IMMP2L: variants seen among roughly 807,000 people sequenced by gnomAD.
IMMP2L encodes inner mitochondrial membrane peptidase subunit 2.
A neutral mutation model predicts 19.3 loss-of-function variants in IMMP2L; 18 were observed. The ratio of observed to expected loss-of-function variants is 0.93; its 90% CI spans 0.64 to 1.38. The LOEUF (loss-of-function observed/expected upper bound fraction) is 1.38, where lower values mean the gene tolerates loss of function less well. IMMP2L is among the 40% of genes most tolerant of loss of function. The probability of loss-of-function intolerance (pLI) is 0.00; values close to 1 mark genes in which losing one functional copy is unlikely to be tolerated. For synonymous variants in IMMP2L, 76 were observed against 73.0 expected (o/e 1.04, Z -0.21); for missense variants, 233 against 218.2 (o/e 1.07, Z -0.43).
chr7:111,330,521 C>T (rs1159498705), intron 3 of IMMP2L, among the ~76,000 whole-genome samples: 5 of 150,942 alleles, frequency 3.3e-5, no homozygotes, highest in Non-Finnish European at 7.4e-5. Flanking sequence ...AAAAAAAAAA[C>T]TTGTAACAAT....
In IMMP2L at chr7:111,447,734, A is replaced by C. The variant is rs563739423; in HGVS notation, c.239+39504T>G. On this transcript the variant is annotated intron_variant, in intron 3 of 5. Transcript: ENST00000405709. ...ATTAACTTTAAATGTAAATGGACTA[A>C]ATTCTCCAATTAAAAGACACAGACT... Among the ~76,000 whole-genome samples, 314 of 151,692 alleles carry C rather than the reference A, an allele frequency of 2.1e-3. 1 individual carries two copies. Among genetic ancestry groups the C allele is most frequent in the Non-Finnish European group, 3.7e-3 (250 of 67,776 alleles).
chr7:110,819,757 G>A (rs985776722), intron 5 of IMMP2L, among the ~76,000 whole-genome samples: 6 of 151,928 alleles, frequency 3.9e-5, no homozygotes, highest in Admixed American at 6.6e-5. Flanking sequence ...ATAATAATAC[G>A]AATTAAAAGG....
chr7:111,468,466 T>C (rs568729556), intron 3 of IMMP2L, among the ~76,000 whole-genome samples: 1 of 152,258 alleles, frequency 6.6e-6, no homozygotes, highest in Admixed American at 6.5e-5. Context: ...CCAGTAGCCA[T>C]CAAGAAGCCT....
chr7:111,376,209 C>T (rs1830665073), intron 3 of IMMP2L, among the ~76,000 whole-genome samples: 1 of 151,990 alleles, frequency 6.6e-6, no homozygotes, highest in South Asian at 2.1e-4. Context: ...ACAAATCTGA[C>T]AAGTTTTTTG....
At chr7:111,192,474 CCTTTT>C in intron 3 of IMMP2L, among the ~76,000 whole-genome samples, 1 of 152,234 alleles carries the variant, frequency 6.6e-6, no homozygotes. Flanking sequence ...AATCATAACT[CCTTTT>C]CTTTTCGCTT....
At chr7:111,297,801 A>G (rs1364707167) in intron 3 of IMMP2L, among the ~76,000 whole-genome samples, 1 of 152,254 alleles carries the variant, frequency 6.6e-6, no homozygotes, top group South Asian at 2.1e-4. Context: ...AAAAGAAACC[A>G]GACTCAAAAA....
In IMMP2L at chr7:110,843,723, A is replaced by G. The variant is rs1300670254; in HGVS notation, c.408+42870T>C. Among the ~76,000 whole-genome samples the G allele has an allele frequency of 2.6e-5, 4 of 152,200 alleles. No homozygotes were observed. The East Asian group carries it at 7.7e-4, about 29-fold the overall frequency. ...TATAAAGCCATCAATGTGACATGAT[A>G]GCAGGAAAATGTGATATGGATAAGG... On this transcript the variant is annotated intron_variant, in intron 5 of 5. Transcript: ENST00000405709.
At chr7:110,915,119 C>T (rs1813459950) in intron 4 of IMMP2L, among the ~76,000 whole-genome samples, 1 of 152,176 alleles carries the variant, frequency 6.6e-6, no homozygotes, top group Non-Finnish European at 1.5e-5. Flanking sequence ...AAAACAGTAT[C>T]TTAAGAGGTA....
intron 5 of IMMP2L, among the ~76,000 whole-genome samples, chr7:110,807,278 G>A (rs758219903): frequency 1.9e-4 from 29 of 151,950 alleles, no homozygotes; most frequent in Middle Eastern, 3.4e-3. Flanking sequence ...AGCTCCTTTC[G>A]GTCAAATACA....
chr7:111,015,275 C>A (rs1825382303), intron 3 of IMMP2L, among the ~76,000 whole-genome samples: 2 of 152,004 alleles, frequency 1.3e-5, no homozygotes, highest in Admixed American at 1.3e-4. Context: ...ACTTTGAAAA[C>A]GTTATGCTGA....
At chr7:110,752,178 G>A (rs1220426791) in intron 5 of IMMP2L, among the ~76,000 whole-genome samples, 2 of 151,956 alleles carry the variant, frequency 1.3e-5, no homozygotes, top group African/African-American at 4.8e-5. Context: ...GAGGTTTAGT[G>A]CTATAGAAAC....
At chr7:110,666,496 G>C (rs1314834479) in intron 5 of IMMP2L, among the ~76,000 whole-genome samples, 1 of 151,988 alleles carries the variant, frequency 6.6e-6, no homozygotes, top group Non-Finnish European at 1.5e-5. Context: ...GGATGGTCTT[G>C]ATCTCTTGAC....
chr7:111,027,148 C>T (rs569285752), intron 3 of IMMP2L, among the ~76,000 whole-genome samples: 62 of 152,204 alleles, frequency 4.1e-4, no homozygotes, highest in Non-Finnish European at 6.9e-4. Flanking sequence ...GCCACTTCAA[C>T]GCCCACTGCA....
intron 3 of IMMP2L, among the ~76,000 whole-genome samples, chr7:111,193,391 G>T (rs553623012): frequency 5.9e-5 from 9 of 152,124 alleles, no homozygotes; most frequent in Admixed American, 4.6e-4. Context: ...TCTTAAAGGC[G>T]CAATAAAAAT....
chr7:110,705,717 G>C (rs552135770), intron 5 of IMMP2L, among the ~76,000 whole-genome samples: 1 of 152,104 alleles, frequency 6.6e-6, no homozygotes, highest in African/African-American at 2.4e-5. Flanking sequence ...CCAAAAGTTA[G>C]TTTTTCAACC....
At chr7:110,775,584 C>A (rs900670770) in intron 5 of IMMP2L, among the ~76,000 whole-genome samples, 2 of 152,042 alleles carry the variant, frequency 1.3e-5, no homozygotes, top group African/African-American at 4.8e-5. Flanking sequence ...TTCAAATACA[C>A]ACATTTGTCT....
chr7:111,493,062 T>C (rs1400111033), intron 2 of IMMP2L, among the ~76,000 whole-genome samples: 1 of 152,204 alleles, frequency 6.6e-6, no homozygotes, highest in Non-Finnish European at 1.5e-5. Context: ...TAAAGGTTTT[T>C]AAAAGCGTAT....
intron 5 of IMMP2L, among the ~76,000 whole-genome samples, chr7:110,827,204 C>T (rs1160050316): frequency 6.6e-6 from 1 of 152,090 alleles, no homozygotes; most frequent in Non-Finnish European, 1.5e-5. Flanking sequence ...CTCTCCATTT[C>T]AAAGCTGAGG....
intron 3 of IMMP2L, among the ~76,000 whole-genome samples, chr7:111,485,292 AAC>A (rs1842535123): frequency 1.3e-5 from 2 of 152,130 alleles, no homozygotes; most frequent in African/African-American, 4.8e-5. Context: ...TATAGCACAT[AAC>A]TGAGTCATTA....
Sources: gnomAD v4.1 joint callset for allele counts (sites outside exome capture counted in the v4.1 genomes callset) on GRCh38, gnomAD v4.1.1 for gene constraint, MANE v1.5 for transcripts, NCBI Gene and HGNC (gene_info 2026-07-23, HGNC 2026-07-21) for gene names.